Variants in RYR1 observed in about 807,000 individuals in gnomAD.
RYR1 encodes the protein central core disease of muscle.
Under a neutral mutation model 583.5 loss-of-function variants are expected in RYR1, and 342 were observed. That is an observed-to-expected ratio of 0.59 (90% CI 0.54 to 0.64). The LOEUF is 0.64. Among genes scored for constraint, RYR1 ranks in the 30% least tolerant of loss-of-function variants. The pLI is 0.00. For missense variants in RYR1, 6,032 were observed against 6,917.2 expected (o/e 0.87, Z 4.54); for synonymous variants, 2,791 against 2,822.5 (o/e 0.99, Z 0.35).
Position 38,578,221 on chromosome 19 carries a change from A to G in RYR1, c.14364+17A>G, listed in dbSNP as rs767865596. 6.2e-7 allele frequency: 1 copy of G among 1,612,374 alleles called. No individual in the cohort carries two copies. The highest frequency in any genetic ancestry group is 1.1e-5 in the South Asian group (1 of 90,838). ...ACAGACAACGTGAGCAGGGGCCCAC[A>G]GACTGGGGAGGGACTCTGCAGGGGT... On this transcript the variant is annotated intron_variant, in intron 99 of 105. Transcript: ENST00000359596.
At chr19:38,480,944 TC>T (rs1244006304) in intron 31 of RYR1, among the ~76,000 whole-genome samples, 3 of 151,996 alleles carry the variant, frequency 2.0e-5, no homozygotes, top group African/African-American at 4.8e-5. Flanking sequence ...CCCAGCCTGG[TC>T]TTGAACTCCT....
intron 89 of RYR1, among the ~76,000 whole-genome samples, chr19:38,558,920 GT>G (rs1972999673): frequency 6.6e-6 from 1 of 151,652 alleles, no homozygotes; most frequent in South Asian, 2.1e-4. Context: ...GCGAAACCCT[GT>G]CTCTACTAAA....
At chr19:38,532,586 A>G (rs1322600176) in intron 77 of RYR1, 45 bp downstream of exon 77, 3 of 1,613,600 alleles carry the variant, frequency 1.9e-6, no homozygotes, top group Non-Finnish European at 2.5e-6. Context: ...CCCTCTCCCC[A>G]CCTGCAGTGC....
intron 90 of RYR1, 56 bp from the exon 91 acceptor site, chr19:38,564,894 CGCTGTCGCT>C: frequency 6.5e-7 from 1 of 1,535,768 alleles, no homozygotes; most frequent in South Asian, 1.2e-5. Context: ...GCTGCCACTG[CGCTGTCGCT>C]GCTGTCCGAG....
chr19:38,535,644 G>C (rs1328741469), intron 81 of RYR1: 1 of 601,580 alleles, frequency 1.7e-6, no homozygotes, highest in East Asian at 2.8e-5. Context: ...GAATTTAAGG[G>C]GAACTTGGCA....
chr19:38,527,031 C>T lies in RYR1; in HGVS notation c.10665C>T (p.Asn3555=). 6.2e-6 allele frequency: 10 copies of T among 1,614,038 alleles called. No homozygotes were observed. Among genetic ancestry groups the T allele is most frequent in the Non-Finnish European group, 7.6e-6 (9 of 1,179,948 alleles). Residue 3555 remains asparagine (N), a synonymous_variant, in exon 72 of 106, where the codon AAC becomes AAT. Transcript: ENST00000359596. ...AGGAGGTCCGGGAATTTCTGCACAA[C>T]AACCTTCACCTTCAGGGAAAGGTAT... ...TDEEVREFLH[N]NLHLQGKVEG...
chr19:38,580,566 A>C (rs1568605498), intron 101 of RYR1, 62 bp downstream of exon 101: 1 of 1,598,640 alleles, frequency 6.3e-7, no homozygotes, highest in Non-Finnish European at 8.6e-7. Context: ...GGAGTTAATA[A>C]TGGTACCTCC....
At chr19:38,452,781 G>C in intron 12 of RYR1, 38 bp from the exon 13 acceptor site, 2 of 1,538,364 alleles carry the variant, frequency 1.3e-6, no homozygotes, top group Non-Finnish European at 1.8e-6. Flanking sequence ...GGCAGTTAGC[G>C]CTCCCAGCCG....
At position 38,506,835 on chromosome 19, in the gene RYR1, G is replaced by C. The variant is rs750366916; in HGVS notation, c.8699G>C (p.Gly2900Ala). Reference protein sequence around the residue: ...KKQELEAKGGGTHPLLVPYDT... With the variant: ...KKQELEAKGGATHPLLVPYDT... ...CTGGTCTTTGCCTCCCCAGGCGGTG[G>C]GACCCACCCCCTGCTGGTCCCCTAC... The change falls in exon 57 of 106, where the codon GGG becomes GCG. Residue 2900 changes from glycine (G) to alanine (A), a missense_variant. Physicochemically the swap from Gly to Ala is moderately conservative, Grantham distance 60 (BLOSUM62 0). Transcript: ENST00000359596. 7.4e-6 allele frequency: 12 copies of C among 1,614,080 alleles called. No individual in the cohort carries two copies. The highest frequency in any genetic ancestry group is 9.3e-6 in the Non-Finnish European group (11 of 1,180,038).
At chr19:38,516,243 G>A in intron 65 of RYR1, 26 bp downstream of exon 65, 2 of 1,578,208 alleles carry the variant, frequency 1.3e-6, no homozygotes, top group Non-Finnish European at 1.7e-6. Context: ...CGGGAGCAGT[G>A]CTGGGAGTCC....
chr19:38,558,948 G>C (rs1256096081), intron 89 of RYR1, among the ~76,000 whole-genome samples: 1 of 152,112 alleles, frequency 6.6e-6, no homozygotes, highest in African/African-American at 2.4e-5. Flanking sequence ...GAATTAGCCA[G>C]TGTGGTGGCA....
intron 74 of RYR1, 70 bp downstream of exon 74, chr19:38,528,488 G>A (rs1490666037): frequency 2.5e-6 from 4 of 1,596,416 alleles, no homozygotes; most frequent in Non-Finnish European, 3.4e-6. Flanking sequence ...TCTGGAGAAT[G>A]GAGGGCCAAC....
rs762972035 is a variant in RYR1 at position 38,587,447 on chromosome 19, C to G, written c.*27C>G. On this transcript the variant is annotated 3_prime_UTR_variant, in exon 106 of 106. Coordinates refer to ENST00000359596, the MANE Select transcript of RYR1 (RefSeq NM_000540.3). ...ACACCCCCAGCTGGCCCTCCACCCC[C>G]ACCTCAAGTGCCTTATTCTCACAGC... The G allele has an allele frequency of 5.8e-6, 9 of 1,549,242 alleles. No individual in the cohort carries two copies. Among genetic ancestry groups the G allele is most frequent in the South Asian group, 4.5e-5 (4 of 89,618 alleles).
chr19:38,515,252 C>T, intron 64 of RYR1, 145 bp downstream of exon 64: 1 of 711,804 alleles, frequency 1.4e-6, no homozygotes, highest in Non-Finnish European at 2.4e-6. Flanking sequence ...CCCACGGCGG[C>T]CGCGTGAGGG....
At chr19:38,468,877 T>G in intron 25 of RYR1, 89 bp from the exon 26 acceptor site, 3 of 1,365,610 alleles carry the variant, frequency 2.2e-6, no homozygotes, top group Non-Finnish European at 2.1e-6. Flanking sequence ...CGAATGTCTG[T>G]CTTCATATAT....
At chr19:38,535,425 G>C (rs1447246156) in intron 81 of RYR1, 33 bp downstream of exon 81, 2 of 1,548,582 alleles carry the variant, frequency 1.3e-6, no homozygotes. Flanking sequence ...TTGTTAAGCT[G>C]TGTTTGGTGC....
Position 38,520,680 on chromosome 19 carries a change from C to T in RYR1, c.10259+1226C>T, listed in dbSNP as rs553659046. On this transcript the variant is annotated intron_variant, in intron 67 of 105. Transcript: ENST00000359596. ...ACTGCACTCCAGCCTAGGAACAGAG[C>T]GAGGCTCCACCTCAAAAAAAAAAAA... Among the ~76,000 whole-genome samples the T allele has an allele frequency of 4.6e-5, 5 of 108,006 alleles. No homozygotes were observed. The East Asian group carries it at 1.3e-3, about 28-fold the overall frequency. 70.9% of individuals were successfully genotyped at this position (108,006 alleles called of 152,430 possible). A position where few individuals can be genotyped will look rare whatever the true frequency, so the allele number is the denominator to read the frequency against.
At position 38,440,777 on chromosome 19, in the gene RYR1, C is replaced by T. The variant is rs372508199; in HGVS notation, c.78C>T (p.Thr26=). The part of the protein sequence containing the change: ...DDEVVLQCSA[T]VLKEQLKLCL... ...AGGTGGTCCTGCAGTGCAGCGCTAC[C>T]GTGCTCAAGGAGCAGCTCAAGCTCT... Residue 26 remains threonine (T), a synonymous_variant, in exon 2 of 106, where the codon ACC becomes ACT. Coordinates refer to ENST00000359596, the MANE Select transcript of RYR1 (RefSeq NM_000540.3). The T allele has an allele frequency of 9.9e-6, 16 of 1,608,920 alleles. No homozygotes were observed. The highest frequency in any genetic ancestry group is 3.3e-5 in the South Asian group (3 of 90,396).
At chr19:38,477,490 T>C (rs921241881) in intron 29 of RYR1, among the ~76,000 whole-genome samples, 6 of 152,110 alleles carry the variant, frequency 3.9e-5, no homozygotes, top group Non-Finnish European at 8.8e-5. Context: ...GGAACCCAAA[T>C]ATGGCACTGT....
Sources: gnomAD v4.1 joint callset for allele counts (sites outside exome capture counted in the v4.1 genomes callset) on GRCh38, gnomAD v4.1.1 for gene constraint, MANE v1.5 for transcripts, NCBI Gene and HGNC (gene_info 2026-07-23, HGNC 2026-07-21) for gene names.